The following SLC8A3 variants were observed in gnomAD, a reference collection of about 807,000 sequenced individuals.
SLC8A3 encodes sodium/calcium exchanger 3.
A neutral mutation model predicts 65.4 loss-of-function variants in SLC8A3; 37 were observed. The observed-to-expected ratio is 0.57, with a 90% CI of 0.44 to 0.74. SLC8A3 has a LOEUF of 0.74. SLC8A3 is among the 30% of genes least tolerant of loss of function. The pLI is 0.00. For missense variants in SLC8A3, 1,112 were observed against 1,172.1 expected (o/e 0.95, Z 0.75); for synonymous variants, 461 against 444.5 (o/e 1.04, Z -0.47).
chr14:70,093,611 T>G lies in SLC8A3; in HGVS notation c.1785-32672A>C, dbSNP rs568140415. On this transcript the variant is annotated intron_variant, in intron 2 of 6. Coordinates refer to ENST00000356921, the MANE Select transcript of SLC8A3 (RefSeq NM_182932.3). ...CACTTCAGGGCTGATGGGCCGGCTT[T>G]GATAAACACATGACATAAGGCAGGG... Among the ~76,000 whole-genome samples, 3 of 152,334 alleles carry G rather than the reference T, an allele frequency of 2.0e-5. No individual in the cohort carries two copies. In the South Asian group the frequency reaches 6.2e-4, roughly 32 times the overall value.
At chr14:70,084,889 G>A (rs1486654781) in intron 2 of SLC8A3, among the ~76,000 whole-genome samples, 1 of 152,124 alleles carries the variant, frequency 6.6e-6, no homozygotes, top group African/African-American at 2.4e-5. Context: ...GAATGTGATG[G>A]AAGAATGAGT....
intron 2 of SLC8A3, among the ~76,000 whole-genome samples, chr14:70,141,623 GTTCATGGGTCCCTC>G (rs1300952029): frequency 6.6e-6 from 1 of 152,156 alleles, no homozygotes; most frequent in Admixed American, 6.5e-5. Flanking sequence ...GGACAAAAGA[GTTCATGGGTCCCTC>G]TTCAACCTCT....
rs1897263003 is a variant in SLC8A3 at position 70,167,721 on chromosome 14, GC to G, written c.701del (p.Gly234AlafsTer42). ...CTGGAAAGAAGAAGAGAGTGAGGAG[GC>G]CTTCCCAAACCTGGACCACACCAGG... ...FSPGVVQVWE[G>X]LLTLFFFPVC... is the part of the protein sequence containing the mutation. On this transcript the variant is annotated frameshift_variant, in exon 2 of 7. Transcript: ENST00000356921. LOFTEE classifies it high-confidence loss of function. 6.2e-7 allele frequency: 1 copy of G among 1,613,998 alleles called. No individual in the cohort carries two copies. Among genetic ancestry groups the G allele is most frequent in the Non-Finnish European group, 8.5e-7 (1 of 1,180,004 alleles).
chr14:70,107,477 C>T (rs1364510261), intron 2 of SLC8A3, among the ~76,000 whole-genome samples: 2 of 152,072 alleles, frequency 1.3e-5, no homozygotes, highest in Non-Finnish European at 2.9e-5. Context: ...TTCAGTCTCA[C>T]TGTAGGGAGA....
intron 2 of SLC8A3, among the ~76,000 whole-genome samples, chr14:70,073,685 C>G (rs1358537836): frequency 2.0e-5 from 3 of 152,184 alleles, no homozygotes; most frequent in African/African-American, 7.2e-5. Context: ...GTCTTGTCTT[C>G]TCTCACTGCT....
At position 70,086,197 on chromosome 14, in the gene SLC8A3, A is replaced by T. The variant is rs1460568881; in HGVS notation, c.1785-25258T>A. On this transcript the variant is annotated intron_variant, in intron 2 of 6. Coordinates refer to ENST00000356921, the MANE Select transcript of SLC8A3 (RefSeq NM_182932.3). ...TTTAAGTCTCCTTCAACTTGATGAG[A>T]CAGGTACTAGCATTATCTTCATTTT... 2.0e-5 allele frequency among the ~76,000 whole-genome samples: 3 copies of T among 152,096 alleles called. No individual in the cohort carries two copies. The East Asian group carries it at 5.8e-4, about 29-fold the overall frequency.
At chr14:70,102,690 A>G (rs1892620188) in intron 2 of SLC8A3, among the ~76,000 whole-genome samples, 1 of 152,182 alleles carries the variant, frequency 6.6e-6, no homozygotes, top group Non-Finnish European at 1.5e-5. Flanking sequence ...AATGGCCTTA[A>G]TATCAGATTG....
rs77621478 is a variant in SLC8A3 at position 70,121,312 on chromosome 14, T to C, written c.1784+45327A>G. Among the ~76,000 whole-genome samples, 576 of 152,304 alleles carry C rather than the reference T, an allele frequency of 3.8e-3. 3 individuals carry two copies. Among genetic ancestry groups the C allele is most frequent in the African/African-American group, 0.013 (537 of 41,572 alleles). On this transcript the variant is annotated intron_variant, in intron 2 of 6. Transcript: ENST00000356921. ...AGAAGCATCTCCACTCTATGCCCCA[T>C]GGAGGAGCCAGGTGATTGTTTCTCA...
intron 3 of SLC8A3, 85 bp from the exon 4 acceptor site, chr14:70,052,199 G>C: frequency 6.8e-7 from 1 of 1,476,444 alleles, no homozygotes; most frequent in Non-Finnish European, 9.0e-7. Context: ...CATGGGCAGT[G>C]GGTACAAAGC....
intron 2 of SLC8A3, among the ~76,000 whole-genome samples, chr14:70,094,953 G>C (rs1002543899): frequency 1.3e-5 from 2 of 152,250 alleles, no homozygotes; most frequent in African/African-American, 4.8e-5. Context: ...CTAAAGCACA[G>C]GCCCTTAGGA....
rs757575526 is a variant in SLC8A3 at position 70,167,796 on chromosome 14, C to G, written c.627G>C (p.Trp209Cys). The change falls in exon 2 of 7, where the codon TGG (tryptophan) becomes TGC (cysteine). Residue 209 changes from tryptophan to cysteine, a missense_variant. By Grantham distance (215) the Trp-to-Cys change is radical (BLOSUM62 -2). Transcript: ENST00000356921. ...AGAGCCAGATGTAGGCAAAGATACT[C>G]CAAGCAGCGGTGATGAAGAAGACTC... ...HLRVFFITAA[W>C]SIFAYIWLYM... The G allele has an allele frequency of 6.2e-7, 1 of 1,614,120 alleles. No individual in the cohort carries two copies.
At chr14:70,094,014 T>C (rs2140073728) in intron 2 of SLC8A3, among the ~76,000 whole-genome samples, 1 of 152,352 alleles carries the variant, frequency 6.6e-6, no homozygotes, top group Non-Finnish European at 1.5e-5. Flanking sequence ...TGTTGACTGC[T>C]AGCCGGACAT....
intron 2 of SLC8A3, among the ~76,000 whole-genome samples, chr14:70,146,666 A>C (rs1370135078): frequency 2.0e-5 from 3 of 152,206 alleles, no homozygotes; most frequent in Admixed American, 6.5e-5. Flanking sequence ...AAGTGGAACA[A>C]GGTGATTCTC....
intron 2 of SLC8A3, among the ~76,000 whole-genome samples, chr14:70,079,603 T>C (rs1890859674): frequency 1.3e-5 from 2 of 152,120 alleles, no homozygotes; most frequent in Non-Finnish European, 2.9e-5. Context: ...TCTGCACTGG[T>C]GTAAGTTCCA....
In SLC8A3 at chr14:70,167,441, G is replaced by A. The variant is rs1189735331; in HGVS notation, c.982C>T (p.Pro328Ser). ...RILKDLKQKH[P>S]EKDLDQLVEM... ...ACCAGCTGATCTAAGTCCTTCTCTG[G>A]GTGTTTTTGCTTCAGATCCTTGAGA... The change falls in exon 2 of 7, where the codon CCA becomes TCA. Residue 328 changes from proline (P) to serine (S), a missense_variant. Physicochemically the swap from Pro to Ser is moderately conservative, Grantham distance 74. Transcript: ENST00000356921. The A allele has an allele frequency of 2.5e-6, 4 of 1,614,094 alleles. No individual in the cohort carries two copies. Among genetic ancestry groups the A allele is most frequent in the Non-Finnish European group, 2.5e-6 (3 of 1,180,016 alleles).
At chr14:70,171,288 A>G (rs1310388015) in intron 1 of SLC8A3, among the ~76,000 whole-genome samples, 1 of 152,168 alleles carries the variant, frequency 6.6e-6, no homozygotes, top group Non-Finnish European at 1.5e-5. Flanking sequence ...GAACATTGGG[A>G]TGGTAGAATC....
At position 70,167,530 on chromosome 14, in the gene SLC8A3, T is replaced by C. The variant is rs745916476; in HGVS notation, c.893A>G (p.Asp298Gly). ...CCCTTCCAGGGGCACCAGGTTCCCA[T>C]CTAGAAAATGGGAATTCATCATTTT... is the stretch of plus-strand genomic sequence containing the variant. Reference protein sequence around the residue: ...DGKMMNSHFLDGNLVPLEGKE... With the variant: ...DGKMMNSHFLGGNLVPLEGKE... Residue 298 changes from aspartate (D) to glycine (G), a missense_variant, in exon 2 of 7, where the codon GAT (aspartate) becomes GGT (glycine). Transcript: ENST00000356921. 6.2e-7 allele frequency: 1 copy of C among 1,614,016 alleles called. No homozygotes were observed.
intron 1 of SLC8A3, among the ~76,000 whole-genome samples, chr14:70,185,315 T>C (rs1466668138): frequency 3.9e-5 from 6 of 152,244 alleles, no homozygotes; most frequent in Non-Finnish European, 7.3e-5. Context: ...GAAGTCCAGA[T>C]GTGTGACACA....
Position 70,168,330 on chromosome 14 carries a change from C to A in SLC8A3, c.93G>T (p.Glu31Asp). ...TTGGCACGTCCCCTGAGCCACCAGC[C>A]TCTGCTCGAAGACCATTCAGGAAGA... is the stretch of plus-strand genomic sequence containing the variant. The part of the protein sequence containing the change: ...FVLFLNGLRA[E>D]AGGSGDVPST... Residue 31 changes from glutamate to aspartate, a missense_variant, in exon 2 of 7, where the codon GAG (glutamate) becomes GAT (aspartate). Coordinates refer to ENST00000356921, the MANE Select transcript of SLC8A3 (RefSeq NM_182932.3). The A allele has an allele frequency of 6.2e-7, 1 of 1,614,156 alleles. No individual in the cohort carries two copies. The highest frequency in any genetic ancestry group is 8.5e-7 in the Non-Finnish European group (1 of 1,180,024).
Sources: allele counts gnomAD v4.1 joint callset (sites outside exome capture counted in the v4.1 genomes callset), GRCh38; gene constraint gnomAD v4.1.1; transcripts MANE v1.5; gene names NCBI Gene and HGNC (gene_info 2026-07-23, HGNC 2026-07-21).